Variants in TYW1B observed in about 807,000 individuals in gnomAD.
TYW1B encodes tRNA-yW synthesizing protein 1 homolog B.
In TYW1B, 73 loss-of-function variants were observed where a neutral mutation model predicts 86.9. That is an observed-to-expected ratio of 0.84 (90% CI 0.70 to 1.02). The LOEUF (loss-of-function observed/expected upper bound fraction) is 1.02. Among genes scored for constraint, TYW1B ranks in the 50% least tolerant of loss-of-function variants. TYW1B has a pLI of 0.00. For missense variants in TYW1B, 637 were observed against 827.4 expected (o/e 0.77, Z 2.82); for synonymous variants, 248 against 292.8 (o/e 0.85, Z 1.56).
chr7:72,574,690 C>T lies in TYW1B; in HGVS notation c.*808G>A, dbSNP rs1171341827. 9 of 985,220 alleles carry T rather than the reference C, an allele frequency of 9.1e-6. No individual in the cohort carries two copies. Among genetic ancestry groups the T allele is most frequent in the South Asian group, 9.4e-5 (2 of 21,276 alleles). The allele number at this position is 985,220 out of a possible 1,614,324, so 61.0% of individuals were successfully genotyped here. A position where few individuals can be genotyped will look rare whatever the true frequency, so the allele number is the denominator to read the frequency against. On this transcript the variant is annotated 3_prime_UTR_variant, in exon 14 of 14. Transcript: ENST00000620995. ...ACAGGAGTCAAAGAAGATGGAGACC[C>T]GCCGTCTGGTCGTGATATGAGAGGC...
intron 2 of TYW1B, among the ~76,000 whole-genome samples, chr7:72,825,180 G>T (rs1202942888): frequency 6.6e-5 from 10 of 151,152 alleles, no homozygotes; most frequent in Non-Finnish European, 1.5e-4. Flanking sequence ...GTGACCCTGA[G>T]ATAACCACAC....
chr7:72,764,808 G>A (rs1787744929), intron 7 of TYW1B, among the ~76,000 whole-genome samples: 1 of 152,168 alleles, frequency 6.6e-6, no homozygotes. Context: ...TGATGTGTTT[G>A]TGACTTTTCA....
In TYW1B at chr7:72,772,069, G is replaced by A. The variant is rs1440241251; in HGVS notation, c.964+5347C>T. Among the ~76,000 whole-genome samples, 10 of 151,518 alleles carry A rather than the reference G, an allele frequency of 6.6e-5. No individual in the cohort carries two copies. The East Asian group carries it at 7.7e-4, about 12-fold the overall frequency. On this transcript the variant is annotated intron_variant, in intron 7 of 13. Coordinates refer to ENST00000620995, the MANE Select transcript of TYW1B (RefSeq NM_001145440.3). ...TCACCATGTTGGCCAGGCTGGTCTCGAACTCCTGTCCTCAAGTGATCCATC... is the reference window on the plus strand; with the variant it reads ...TCACCATGTTGGCCAGGCTGGTCTCAAACTCCTGTCCTCAAGTGATCCATC...
intron 9 of TYW1B, among the ~76,000 whole-genome samples, chr7:72,725,603 T>G (rs1554458501): frequency 6.6e-6 from 1 of 152,158 alleles, no homozygotes; most frequent in Non-Finnish European, 1.5e-5. Flanking sequence ...ACATTTAAAT[T>G]GCTGGGCTTT....
At chr7:72,772,179 C>T (rs868921477) in intron 7 of TYW1B, among the ~76,000 whole-genome samples, 67 of 151,782 alleles carry the variant, frequency 4.4e-4, no homozygotes, top group South Asian at 3.5e-3. Flanking sequence ...AAAAATTATA[C>T]GAGGAGATTT....
chr7:72,688,269 G>C (rs1172605920), intron 11 of TYW1B, among the ~76,000 whole-genome samples: 4 of 152,094 alleles, frequency 2.6e-5, no homozygotes, highest in Non-Finnish European at 4.4e-5. Flanking sequence ...CTGATGAAAG[G>C]AAATGCCTTT....
At chr7:72,598,337 C>T (rs1811583567) in intron 13 of TYW1B, among the ~76,000 whole-genome samples, 1 of 152,042 alleles carries the variant, frequency 6.6e-6, no homozygotes, top group African/African-American at 2.4e-5. Context: ...TTGCAGACAG[C>T]TTATTGTGGG....
At position 72,729,273 on chromosome 7, in the gene TYW1B, G is replaced by A. The variant is rs556976987; in HGVS notation, c.1083-342C>T. 3.7e-4 allele frequency among the ~76,000 whole-genome samples: 56 copies of A among 152,180 alleles called. 1 individual carries two copies. Among genetic ancestry groups the A allele is most frequent in the Admixed American group, 2.9e-3 (44 of 15,286 alleles). The stretch of plus-strand genomic sequence containing the variant: ...TCACCATCATGTTACTGTCATCTAC[G>A]TCGACACTTCATAAAGTGAGTGAGG... On this transcript the variant is annotated intron_variant, in intron 8 of 13. Coordinates refer to ENST00000620995, the MANE Select transcript of TYW1B (RefSeq NM_001145440.3).
At chr7:72,758,248 G>A (rs1022144417) in intron 7 of TYW1B, among the ~76,000 whole-genome samples, 3 of 151,906 alleles carry the variant, frequency 2.0e-5, no homozygotes, top group Non-Finnish European at 4.4e-5. Context: ...GGGTGTAGTA[G>A]GTACAATAGT....
intron 6 of TYW1B, among the ~76,000 whole-genome samples, chr7:72,789,582 T>C (rs568432360): frequency 1.3e-5 from 2 of 152,338 alleles, no homozygotes; most frequent in East Asian, 3.9e-4. Flanking sequence ...ATGCTAATTT[T>C]AAATTTAGAA....
chr7:72,659,463 A>T (rs1229761912), intron 11 of TYW1B, among the ~76,000 whole-genome samples: 1 of 152,210 alleles, frequency 6.6e-6, no homozygotes. Context: ...CTGTAGTCCC[A>T]GCTACTAGGG....
chr7:72,674,697 T>C (rs578183847), intron 11 of TYW1B, among the ~76,000 whole-genome samples: 1 of 152,186 alleles, frequency 6.6e-6, no homozygotes, highest in Non-Finnish European at 1.5e-5. Flanking sequence ...AATTGTTTCC[T>C]GTTAGGTAGG....
At chr7:72,624,054 GC>G (rs1812285719) in intron 12 of TYW1B, among the ~76,000 whole-genome samples, 1 of 152,174 alleles carries the variant, frequency 6.6e-6, no homozygotes, top group Non-Finnish European at 1.5e-5. Flanking sequence ...GCCTGACTCG[GC>G]CTCCCAAAGT....
intron 7 of TYW1B, among the ~76,000 whole-genome samples, chr7:72,763,493 A>G (rs1787722469): frequency 6.6e-6 from 1 of 151,948 alleles, no homozygotes; most frequent in Admixed American, 6.6e-5. Flanking sequence ...CATGTTGGCC[A>G]GGCTGGTCTC....
intron 11 of TYW1B, among the ~76,000 whole-genome samples, chr7:72,652,171 A>T (rs1370785507): frequency 6.6e-6 from 1 of 151,998 alleles, no homozygotes; most frequent in Non-Finnish European, 1.5e-5. Context: ...AGGTCAGGAG[A>T]TCGAGACCAT....
chr7:72,630,950 G>T (rs548527966), intron 11 of TYW1B, among the ~76,000 whole-genome samples: 1 of 151,940 alleles, frequency 6.6e-6, no homozygotes, highest in South Asian at 2.1e-4. Flanking sequence ...TAAAAATCCC[G>T]GGATTGCAAA....
intron 5 of TYW1B, among the ~76,000 whole-genome samples, chr7:72,803,856 C>T (rs1418787569): frequency 4.0e-5 from 6 of 151,794 alleles, no homozygotes; most frequent in African/African-American, 1.2e-4. Flanking sequence ...TCAGGTGATC[C>T]GCCCGCCTCA....
At chr7:72,730,884 A>G (rs1300185033) in intron 8 of TYW1B, among the ~76,000 whole-genome samples, 1 of 151,022 alleles carries the variant, frequency 6.6e-6, no homozygotes, top group Non-Finnish European at 1.5e-5. Context: ...AGAGATATGG[A>G]CATTCAGATC....
At chr7:72,611,366 C>T (rs2129568295) in intron 13 of TYW1B, among the ~76,000 whole-genome samples, 1 of 152,178 alleles carries the variant, frequency 6.6e-6, no homozygotes, top group Non-Finnish European at 1.5e-5. Flanking sequence ...AATGGCAGTT[C>T]CCATAATTCC....
Sources: gnomAD v4.1 joint callset for allele counts (sites outside exome capture counted in the v4.1 genomes callset) on GRCh38, gnomAD v4.1.1 for gene constraint, MANE v1.5 for transcripts, NCBI Gene and HGNC (gene_info 2026-07-23, HGNC 2026-07-21) for gene names.